The following ABCA13 variants were observed in gnomAD, a reference collection of about 807,000 sequenced individuals.
The protein encoded by ABCA13 is ATP binding cassette subfamily A member 13.
Under a neutral mutation model 478.7 loss-of-function variants are expected in ABCA13, and 476 were observed. The observed-to-expected ratio is 0.99, with a 90% CI of 0.92 to 1.07. ABCA13 has a LOEUF of 1.07. ABCA13 is among the 50% of genes least tolerant of loss of function. The probability of loss-of-function intolerance (pLI) is 0.00; values close to 1 mark genes in which losing one functional copy is unlikely to be tolerated. For synonymous variants in ABCA13, 2,252 were observed against 2,158.9 expected (o/e 1.04, Z -1.20); for missense variants, 6,060 against 5,910.6 (o/e 1.03, Z -0.83).
intron 26 of ABCA13, among the ~76,000 whole-genome samples, chr7:48,315,358 A>C (rs1802417789): frequency 6.6e-6 from 1 of 152,208 alleles, no homozygotes; most frequent in Non-Finnish European, 1.5e-5. Context: ...TCGTGACTAT[A>C]CTTTTTTCTG....
At chr7:48,202,902 CCG>C (rs147614803) in intron 3 of ABCA13, among the ~76,000 whole-genome samples, 30,859 of 152,016 alleles carry the variant, frequency 0.2, 3,356 homozygotes, top group Middle Eastern at 0.24. Flanking sequence ...AGTCCCGGTG[CCG>C]TGCGCCCGCG....
intron 15 of ABCA13, among the ~76,000 whole-genome samples, chr7:48,264,969 G>A (rs1293508952): frequency 6.6e-6 from 1 of 151,508 alleles, no homozygotes; most frequent in Non-Finnish European, 1.5e-5. Context: ...TGTGGTGTAG[G>A]CATATACTGA....
chr7:48,318,104 C>T (rs1802854795), intron 27 of ABCA13, among the ~76,000 whole-genome samples: 1 of 152,066 alleles, frequency 6.6e-6, no homozygotes, highest in African/African-American at 2.4e-5. Context: ...CCTCAAATAG[C>T]ATTAAAAATT....
chr7:48,217,879 C>G (rs1210643449), intron 3 of ABCA13, among the ~76,000 whole-genome samples: 1 of 152,166 alleles, frequency 6.6e-6, no homozygotes. Flanking sequence ...TTTTCCTAGC[C>G]TGGCAGGTCA....
At chr7:48,592,985 A>C (rs1454816131) in intron 57 of ABCA13, among the ~76,000 whole-genome samples, 2 of 151,992 alleles carry the variant, frequency 1.3e-5, no homozygotes. Context: ...GTCTCTTGCA[A>C]ACAGCATAAG....
chr7:48,562,281 C>G (rs1289497156), intron 55 of ABCA13, among the ~76,000 whole-genome samples: 1 of 150,142 alleles, frequency 6.7e-6, no homozygotes, highest in African/African-American at 2.5e-5. Context: ...TATTATTATA[C>G]TGCTTTTTTG....
chr7:48,208,868 C>A (rs748744137), intron 3 of ABCA13, among the ~76,000 whole-genome samples: 64 of 152,010 alleles, frequency 4.2e-4, no homozygotes, highest in Non-Finnish European at 8.0e-4. Flanking sequence ...TGAAAGTGGG[C>A]ATTCCAGTTC....
chr7:48,236,862 T>C (rs1790031768), intron 8 of ABCA13, among the ~76,000 whole-genome samples: 1 of 152,134 alleles, frequency 6.6e-6, no homozygotes, highest in Non-Finnish European at 1.5e-5. Context: ...AATTGCCTGG[T>C]GAGCTCTTCC....
In ABCA13 at chr7:48,229,840, A is replaced by G. The variant is rs1396394658; in HGVS notation, c.648A>G (p.Leu216=). 2 of 1,613,886 alleles carry G rather than the reference A, an allele frequency of 1.2e-6. No individual in the cohort carries two copies. Among genetic ancestry groups the G allele is most frequent in the Non-Finnish European group, 1.7e-6 (2 of 1,179,898 alleles). ...LQTILNSLIS[L]EDLDWLPLNQ... ...TTGGTTCTAGTTCCTTAATATCCCTAGAAGATTTAGATTGGCTTCCACTCA... is the reference window on the plus strand; with the variant it reads ...TTGGTTCTAGTTCCTTAATATCCCTGGAAGATTTAGATTGGCTTCCACTCA... The change falls in exon 7 of 62, where the codon CTA becomes CTG. Residue 216 remains leucine, a synonymous_variant. Coordinates refer to ENST00000435803, the MANE Select transcript of ABCA13 (RefSeq NM_152701.5).
chr7:48,197,447 T>G (rs1012040009), intron 2 of ABCA13, among the ~76,000 whole-genome samples: 1 of 152,096 alleles, frequency 6.6e-6, no homozygotes, highest in South Asian at 2.1e-4. Context: ...AGATAAGGGC[T>G]GACAAGTTTT....
Position 48,389,463 on chromosome 7 carries a change from G to C in ABCA13, c.11654+243G>C, listed in dbSNP as rs570939793. On this transcript the variant is annotated intron_variant, in intron 37 of 61. Transcript: ENST00000435803. ...TCAGTCAAAGGGGTAGTGGTGGATA[G>C]CTTTTTAAAAGGCTTAATTCTTGTA... is the stretch of plus-strand genomic sequence containing the variant. Among the ~76,000 whole-genome samples the C allele has an allele frequency of 2.0e-4, 30 of 152,284 alleles. 1 individual carries two copies. Among genetic ancestry groups the C allele is most frequent in the Admixed American group, 1.4e-3 (21 of 15,304 alleles).
intron 38 of ABCA13, among the ~76,000 whole-genome samples, chr7:48,396,929 A>T (rs1168850147): frequency 2.0e-5 from 3 of 152,238 alleles, no homozygotes; most frequent in African/African-American, 7.2e-5. Context: ...GAGGGGCTAA[A>T]TGAGGCAGTA....
chr7:48,581,280 C>T (rs553944270), intron 56 of ABCA13, among the ~76,000 whole-genome samples: 34 of 152,216 alleles, frequency 2.2e-4, no homozygotes, highest in African/African-American at 7.9e-4. Flanking sequence ...AACGTTCATT[C>T]TCTGTTCTGT....
intron 15 of ABCA13, among the ~76,000 whole-genome samples, chr7:48,257,895 T>C (rs1342049837): frequency 2.6e-5 from 4 of 152,132 alleles, no homozygotes; most frequent in Admixed American, 1.3e-4. Context: ...AGTTCTTCTT[T>C]ATACATTTGG....
intron 39 of ABCA13, among the ~76,000 whole-genome samples, chr7:48,406,217 A>C (rs1209900445): frequency 6.6e-6 from 1 of 152,176 alleles, no homozygotes; most frequent in African/African-American, 2.4e-5. Flanking sequence ...TGGAAAAATA[A>C]ATAAGGAAGC....
chr7:48,339,430 G>A (rs1483813336), intron 29 of ABCA13, among the ~76,000 whole-genome samples: 1 of 152,124 alleles, frequency 6.6e-6, no homozygotes, highest in South Asian at 2.1e-4. Context: ...TCTGTTGCTG[G>A]AACCAAGGAC....
At chr7:48,574,931 T>C (rs1025666647) in intron 55 of ABCA13, among the ~76,000 whole-genome samples, 1 of 152,182 alleles carries the variant, frequency 6.6e-6, no homozygotes, top group Non-Finnish European at 1.5e-5. Flanking sequence ...AGCATCAATT[T>C]TGATAATAAA....
intron 41 of ABCA13, among the ~76,000 whole-genome samples, chr7:48,416,668 AAGCCTCCTGCAGGCGCTC>A (rs1160022587): frequency 3.9e-5 from 6 of 152,136 alleles, no homozygotes; most frequent in African/African-American, 1.4e-4. Flanking sequence ...GGACCAAGGG[AAGCCTCCTGCAGGCGCTC>A]CCAGAGGACA....
At chr7:48,609,642 A>G (rs1466700265) in intron 58 of ABCA13, among the ~76,000 whole-genome samples, 1 of 152,170 alleles carries the variant, frequency 6.6e-6, no homozygotes, top group African/African-American at 2.4e-5. Context: ...CACATCCAAC[A>G]TCATGAATTC....
Sources: allele counts gnomAD v4.1 joint callset (sites outside exome capture counted in the v4.1 genomes callset), GRCh38; gene constraint gnomAD v4.1.1; transcripts MANE v1.5; gene names NCBI Gene and HGNC (gene_info 2026-07-23, HGNC 2026-07-21).